Variants in TENM3 observed in about 807,000 individuals in gnomAD.
The protein encoded by TENM3 is teneurin transmembrane protein 3.
In TENM3, 63 loss-of-function variants were observed where a neutral mutation model predicts 255.1. That is an observed-to-expected ratio of 0.25 (90% CI 0.20 to 0.30). The LOEUF (loss-of-function observed/expected upper bound fraction) is 0.30. Among genes scored for constraint, TENM3 ranks in the 10% least tolerant of loss-of-function variants. TENM3 has a pLI of 1.00. For missense variants in TENM3, 2,929 were observed against 3,461.1 expected, an observed-to-expected ratio of 0.85 and a Z score of 3.86; for synonymous variants, 1,306 against 1,322.3, an observed-to-expected ratio of 0.99 and a Z score of 0.27.
At chr4:182,455,346 T>C (rs1773778582) in intron 3 of TENM3, among the ~76,000 whole-genome samples, 1 of 152,098 alleles carries the variant, frequency 6.6e-6, no homozygotes, top group African/African-American at 2.4e-5. Flanking sequence ...TGCCCTGCCT[T>C]CTGCCTGTCT....
chr4:181,474,917 C>T, the TENM3 span, among the ~76,000 whole-genome samples: 1 of 152,216 alleles, frequency 6.6e-6, no homozygotes, highest in African/African-American at 2.4e-5. Context: ...CACCTACAGC[C>T]TTGGCCACTG....
chr4:181,863,746 G>A, the TENM3 span, among the ~76,000 whole-genome samples: 2 of 151,978 alleles, frequency 1.3e-5, no homozygotes, highest in Non-Finnish European at 2.9e-5. Flanking sequence ...ATGGAAGTTA[G>A]CCTCTTGATT....
At chr4:181,854,857 G>A in the TENM3 span, among the ~76,000 whole-genome samples, 3 of 152,272 alleles carry the variant, frequency 2.0e-5, no homozygotes, top group South Asian at 2.1e-4. Context: ...CCAAAAGGCC[G>A]CCTTCTCAGA....
chr4:182,396,029 T>C lies in TENM3; in HGVS notation c.511+49100T>C, dbSNP rs201960781. 3.5e-4 allele frequency among the ~76,000 whole-genome samples: 53 copies of C among 152,316 alleles called. 1 individual carries two copies. The East Asian group carries it at 9.6e-3, about 28-fold the overall frequency. On this transcript the variant is annotated intron_variant, in intron 3 of 27. Transcript: ENST00000511685. ...AATAGAATTGTCATTCCATTTCAGT[T>C]GTCATATTTCATTTTTTTTCTCAAC...
chr4:182,099,755 G>A, the TENM3 span, among the ~76,000 whole-genome samples: 1 of 152,098 alleles, frequency 6.6e-6, no homozygotes, highest in Non-Finnish European at 1.5e-5. Flanking sequence ...AAAAAGTTTG[G>A]TGACTTCTGA....
intron 3 of TENM3, among the ~76,000 whole-genome samples, chr4:182,379,303 G>GC (rs978245963): frequency 3.0e-5 from 1 of 33,198 alleles, no homozygotes; most frequent in African/African-American, 1.4e-4. Context: ...GTTGCAGTGA[G>GC]CCGAGATTCT....
At position 182,688,238 on chromosome 4, in the gene TENM3, C is replaced by T. The variant is rs759712953; in HGVS notation, c.2108C>T (p.Thr703Met). Residue 703 changes from threonine (T) to methionine (M), a missense_variant, in exon 12 of 28, where the codon ACG becomes ATG. This residue lies in a region of TENM3 where 1,608 missense variants were observed against 1,884.4 expected (regional missense o/e 0.85). Transcript: ENST00000511685. ...ACGTGTCGCTGTGAAGAAGGCTGGACGGGCCCAGCCTGTAATCAGAGAGCC... is the reference window on the plus strand; with the variant it reads ...ACGTGTCGCTGTGAAGAAGGCTGGATGGGCCCAGCCTGTAATCAGAGAGCC... ...GGTCRCEEGW[T>M]GPACNQRACH... The T allele has an allele frequency of 9.9e-6, 16 of 1,613,868 alleles. No homozygotes were observed. The highest frequency in any genetic ancestry group is 4.5e-5 in the East Asian group (2 of 44,868).
the TENM3 span, among the ~76,000 whole-genome samples, chr4:181,483,133 A>G: frequency 2.5e-4 from 38 of 152,272 alleles, no homozygotes; most frequent in South Asian, 7.9e-3. Context: ...TTTCTACTGG[A>G]AGAACTTAAT....
chr4:181,698,801 A>T, the TENM3 span, among the ~76,000 whole-genome samples: 4 of 152,364 alleles, frequency 2.6e-5, no homozygotes, highest in South Asian at 8.3e-4. Context: ...TTTGTCATTT[A>T]AAAAGTGATT....
chr4:181,638,600 C>T, the TENM3 span, among the ~76,000 whole-genome samples: 40 of 152,266 alleles, frequency 2.6e-4, no homozygotes, highest in African/African-American at 7.7e-4. Context: ...CTTAAAAATT[C>T]ATTATGAGAG....
chr4:182,059,053 G>C, the TENM3 span, among the ~76,000 whole-genome samples: 1 of 151,658 alleles, frequency 6.6e-6, no homozygotes, highest in African/African-American at 2.4e-5. Context: ...CCCAGTGTTG[G>C]GGCAGAATTA....
chr4:181,630,316 GT>G, the TENM3 span, among the ~76,000 whole-genome samples: 5 of 151,916 alleles, frequency 3.3e-5, no homozygotes, highest in African/African-American at 1.2e-4. Context: ...TTTTTGAAGG[GT>G]TTTTTTGTGT....
the TENM3 span, among the ~76,000 whole-genome samples, chr4:181,873,726 G>A: frequency 0.51 from 77,714 of 151,334 alleles, 20,273 homozygotes; most frequent in Middle Eastern, 0.62. Context: ...TATGTACTCC[G>A]AAGTTCTTGA....
At chr4:181,464,963 A>G in the TENM3 span, among the ~76,000 whole-genome samples, 1 of 152,290 alleles carries the variant, frequency 6.6e-6, no homozygotes, top group East Asian at 1.9e-4. Context: ...CAAAAAAAAG[A>G]AAAAAAGTCC....
the TENM3 span, among the ~76,000 whole-genome samples, chr4:181,686,222 G>C: frequency 1.3e-5 from 2 of 152,124 alleles, no homozygotes; most frequent in African/African-American, 4.8e-5. Flanking sequence ...CATCCCGACA[G>C]CATAAATAAC....
chr4:181,528,036 A>C, the TENM3 span, among the ~76,000 whole-genome samples: 371 of 152,236 alleles, frequency 2.4e-3, 3 homozygotes, highest in African/African-American at 8.5e-3. Context: ...AGGAGGATAA[A>C]ATTCTCTGTG....
chr4:181,930,760 T>C, the TENM3 span, among the ~76,000 whole-genome samples: 13 of 151,952 alleles, frequency 8.6e-5, no homozygotes, highest in African/African-American at 3.1e-4. Context: ...TGATGCAAAA[T>C]CTTCAATGAA....
chr4:181,675,742 G>A, the TENM3 span, among the ~76,000 whole-genome samples: 2 of 151,962 alleles, frequency 1.3e-5, no homozygotes, highest in African/African-American at 4.8e-5. Flanking sequence ...GCCGCACGAG[G>A]GGTAAACATT....
the TENM3 span, among the ~76,000 whole-genome samples, chr4:181,513,222 G>A: frequency 1.1e-4 from 16 of 151,724 alleles, no homozygotes; most frequent in African/African-American, 3.9e-4. Context: ...CTGTTTGGAG[G>A]GCTCTCATTG....
Sources: gnomAD v4.1 joint callset for allele counts (sites outside exome capture counted in the v4.1 genomes callset) on GRCh38, gnomAD v4.1.1 for gene constraint, gnomAD v4.1.1 regional missense constraint, MANE v1.5 for transcripts, NCBI Gene and HGNC (gene_info 2026-07-23, HGNC 2026-07-21) for gene names.